Variants in IL1RAPL2 observed in about 807,000 individuals in gnomAD.
The protein encoded by IL1RAPL2 is interleukin 1 receptor accessory protein like 2.
IL1RAPL2 carries 3 observed loss-of-function variants against 44.1 expected under a neutral mutation model. That is an observed-to-expected ratio of 0.07 (90% CI 0.03 to 0.18). The LOEUF (loss-of-function observed/expected upper bound fraction) is 0.18, where lower values mean the gene tolerates loss of function less well. Ranked by LOEUF, IL1RAPL2 falls within the 10% of genes least tolerant of loss-of-function variation. The pLI, the probability that IL1RAPL2 is intolerant of heterozygous loss-of-function variation, is 1.00. For missense variants in IL1RAPL2, 391 were observed against 496.4 expected, an observed-to-expected ratio of 0.79 and a Z score of 2.02; for synonymous variants, 181 against 178.8, an observed-to-expected ratio of 1.01 and a Z score of -0.10.
intron 6 of IL1RAPL2, among the ~76,000 whole-genome samples, chrX:105,675,396 T>C (rs1010011061): frequency 3.6e-5 from 4 of 111,647 alleles, no homozygotes; most frequent in African/African-American, 1.3e-4. Flanking sequence ...ATTGAAGACC[T>C]TTTCTGCATC....
rs749768054 is a variant in IL1RAPL2, at chrX:104,730,347, G to A, written c.82+71352G>A. Among the ~76,000 whole-genome samples the A allele has an allele frequency of 2.3e-3, 209 of 89,280 alleles. 1 individual carries two copies. Among genetic ancestry groups the A allele is most frequent in the African/African-American group, 7.1e-3 (188 of 26,586 alleles). 77.5% of individuals were successfully genotyped at this position (89,280 alleles called of 115,157 possible). A position where few individuals can be genotyped will look rare whatever the true frequency, so the allele number is the denominator to read the frequency against. ...ATTAACTCGTCATTTAGCATTAGGT[G>A]TATCTCCTAATGCTATCCCTCCCCT... On this transcript the variant is annotated intron_variant, in intron 2 of 10. Coordinates refer to ENST00000372582, the MANE Select transcript of IL1RAPL2 (RefSeq NM_017416.2).
chrX:105,552,911 T>C (rs1438843893), intron 6 of IL1RAPL2, among the ~76,000 whole-genome samples: 1 of 112,604 alleles, frequency 8.9e-6, no homozygotes, highest in African/African-American at 3.2e-5. Flanking sequence ...TAAGTTTAAA[T>C]TGTGTTAAGT....
At chrX:104,823,778 A>AT (rs758217742) in intron 2 of IL1RAPL2, among the ~76,000 whole-genome samples, 13 of 111,848 alleles carry the variant, frequency 1.2e-4, no homozygotes, top group Non-Finnish European at 2.1e-4. Flanking sequence ...CAGCTTAAGG[A>AT]TTTTTTGGGC....
chrX:104,910,417 G>A (rs184425477), intron 2 of IL1RAPL2, among the ~76,000 whole-genome samples: 24 of 112,105 alleles, frequency 2.1e-4, no homozygotes, highest in Admixed American at 1.9e-3. Flanking sequence ...TGTGCAGAAT[G>A]TGCAGGTTTA....
intron 5 of IL1RAPL2, among the ~76,000 whole-genome samples, chrX:105,293,007 G>A (rs1284608061): frequency 9.3e-6 from 1 of 108,013 alleles, no homozygotes; most frequent in African/African-American, 3.4e-5. Flanking sequence ...AGCTACTCGG[G>A]AGACTGAGGC....
intron 2 of IL1RAPL2, among the ~76,000 whole-genome samples, chrX:105,112,430 C>T: frequency 8.9e-6 from 1 of 112,033 alleles, no homozygotes; most frequent in South Asian, 3.7e-4. Flanking sequence ...ACTGACCTTT[C>T]AATAAGTTTT....
At chrX:105,331,383 C>G (rs2034985132) in intron 5 of IL1RAPL2, among the ~76,000 whole-genome samples, 1 of 111,732 alleles carries the variant, frequency 8.9e-6, no homozygotes, top group South Asian at 3.7e-4. Flanking sequence ...CTATGATTAT[C>G]TAATGCTGGA....
At chrX:104,892,116 G>A (rs1923469110) in intron 2 of IL1RAPL2, among the ~76,000 whole-genome samples, 1 of 111,523 alleles carries the variant, frequency 9.0e-6, no homozygotes, top group Non-Finnish European at 1.9e-5. Context: ...TGCATATGTT[G>A]AACCAGCCTT....
chrX:104,635,337 C>T (rs781355273), intron 1 of IL1RAPL2, among the ~76,000 whole-genome samples: 1 of 109,771 alleles, frequency 9.1e-6, no homozygotes, highest in South Asian at 4.0e-4. Context: ...TTGCTCTTCT[C>T]GAGGAGTATC....
intron 2 of IL1RAPL2, among the ~76,000 whole-genome samples, chrX:105,097,938 G>T (rs1294359959): frequency 9.0e-6 from 1 of 111,566 alleles, no homozygotes; most frequent in Non-Finnish European, 1.9e-5. Context: ...TGAGATATGT[G>T]ACTTTATGCC....
At chrX:105,021,776 A>G (rs2031285804) in intron 2 of IL1RAPL2, among the ~76,000 whole-genome samples, 2 of 111,560 alleles carry the variant, frequency 1.8e-5, no homozygotes, top group African/African-American at 3.2e-5. Context: ...GCTAACTTGA[A>G]CCTTCTTATT....
intron 6 of IL1RAPL2, among the ~76,000 whole-genome samples, chrX:105,589,140 A>T (rs2037150251): frequency 8.9e-6 from 1 of 112,220 alleles, no homozygotes; most frequent in African/African-American, 3.2e-5. Flanking sequence ...ATTATTAGTG[A>T]TGTTGAGCAT....
At chrX:104,628,180 T>C (rs569970111) in intron 1 of IL1RAPL2, among the ~76,000 whole-genome samples, 2 of 111,914 alleles carry the variant, frequency 1.8e-5, no homozygotes, top group South Asian at 7.5e-4. Context: ...TCATCATTTC[T>C]CTGTGTTGGG....
chrX:105,756,948 T>C (rs1461727071), intron 10 of IL1RAPL2, among the ~76,000 whole-genome samples: 1 of 111,201 alleles, frequency 9.0e-6, no homozygotes. Context: ...ATTATCCCTC[T>C]ATCTTCCTTA....
chrX:105,520,266 G>T (rs1231910846), intron 6 of IL1RAPL2, among the ~76,000 whole-genome samples: 1 of 111,748 alleles, frequency 8.9e-6, no homozygotes, highest in Non-Finnish European at 1.9e-5. Context: ...TATCTATATT[G>T]CTTATACCTA....
intron 2 of IL1RAPL2, among the ~76,000 whole-genome samples, chrX:104,885,228 G>A (rs1361965513): frequency 8.9e-6 from 1 of 111,802 alleles, no homozygotes; most frequent in Admixed American, 9.5e-5. Context: ...TAGAATGACA[G>A]CCGAAGAAAG....
At position 104,835,390 on chromosome X, in the gene IL1RAPL2, A is replaced by T. The variant is rs1230757438; in HGVS notation, c.82+176395A>T. Among the ~76,000 whole-genome samples, 4 of 112,022 alleles carry T rather than the reference A, an allele frequency of 3.6e-5. No homozygotes were observed. In the East Asian group the frequency reaches 1.1e-3, roughly 31 times the overall value. ...AAAAACTGATACTATCAGGAAAAAA[A>T]AAAAACATTTAACTTTGGTGTTTAA... On this transcript the variant is annotated intron_variant, in intron 2 of 10. Coordinates refer to ENST00000372582, the MANE Select transcript of IL1RAPL2 (RefSeq NM_017416.2).
intron 7 of IL1RAPL2, among the ~76,000 whole-genome samples, chrX:105,726,136 G>C (rs1287390054): frequency 9.0e-6 from 1 of 111,363 alleles, no homozygotes; most frequent in Non-Finnish European, 1.9e-5. Context: ...AGCTACTCTA[G>C]ACAAAAACCT....
At chrX:104,919,893 T>G (rs1370199772) in intron 2 of IL1RAPL2, among the ~76,000 whole-genome samples, 2 of 110,470 alleles carry the variant, frequency 1.8e-5, no homozygotes, top group Admixed American at 9.7e-5. Flanking sequence ...CTGTTTGGGC[T>G]CAGACTGACT....
Sources: allele counts gnomAD v4.1 joint callset (sites outside exome capture counted in the v4.1 genomes callset), GRCh38; gene constraint gnomAD v4.1.1; transcripts MANE v1.5; gene names NCBI Gene and HGNC (gene_info 2026-07-23, HGNC 2026-07-21).